Variants in RNF19B observed in about 807,000 individuals in gnomAD.
The protein encoded by RNF19B is E3 ubiquitin-protein ligase RNF19B.
A neutral mutation model predicts 65.5 loss-of-function variants in RNF19B; 23 were observed. That is an observed-to-expected ratio of 0.35 (90% CI 0.25 to 0.50). The LOEUF is 0.50. RNF19B is among the 20% of genes least tolerant of loss of function. The probability of loss-of-function intolerance (pLI) is 0.98; values close to 1 mark genes in which losing one functional copy is unlikely to be tolerated. For missense variants in RNF19B, 794 were observed against 980.0 expected (o/e 0.81, Z 2.53); for synonymous variants, 372 against 379.6 (o/e 0.98, Z 0.23).
intron 1 of RNF19B, among the ~76,000 whole-genome samples, chr1:32,961,244 A>C (rs1398930161): frequency 6.6e-6 from 1 of 152,216 alleles, no homozygotes; most frequent in African/African-American, 2.4e-5. Flanking sequence ...ATCAGAAAGG[A>C]AACTAGACTC....
rs78070560 is a variant in RNF19B at position 32,954,818 on chromosome 1, T to C, written c.636-5044A>G. Reference sequence around the variant, plus strand: ...TATAGGTACTTGTCACATTCAAACGTAGCTAAACACGTTCTAAAACTGCAT... The same window carrying C: ...TATAGGTACTTGTCACATTCAAACGCAGCTAAACACGTTCTAAAACTGCAT... On this transcript the variant is annotated intron_variant, in intron 1 of 8. Coordinates refer to ENST00000235150, the MANE Select transcript of RNF19B (RefSeq NM_001300826.2). Among the ~76,000 whole-genome samples the C allele has an allele frequency of 5.0e-3, 766 of 151,958 alleles. 9 individuals are homozygous for C. Among genetic ancestry groups the C allele is most frequent in the African/African-American group, 0.017 (685 of 41,466 alleles).
In RNF19B at chr1:32,958,206, T is replaced by C. The variant is rs903038651; in HGVS notation, c.635+5845A>G. 1.6e-4 allele frequency among the ~76,000 whole-genome samples: 24 copies of C among 152,350 alleles called. 1 individual carries two copies. Among genetic ancestry groups the C allele is most frequent in the Admixed American group, 1.4e-3 (21 of 15,302 alleles). ...AAAACAAAAACCTGTTTCCTGGTGATCTAAATTGGGGAAATTACATTATAT... is the reference window on the plus strand; with the variant it reads ...AAAACAAAAACCTGTTTCCTGGTGACCTAAATTGGGGAAATTACATTATAT... On this transcript the variant is annotated intron_variant, in intron 1 of 8. Coordinates refer to ENST00000235150, the MANE Select transcript of RNF19B (RefSeq NM_001300826.2).
At position 32,964,240 on chromosome 1, in the gene RNF19B, T is replaced by C; in HGVS notation, c.446A>G (p.Tyr149Cys). The stretch of plus-strand genomic sequence containing the variant: ...GCTCTCGCTTATCTCCAGGCGCAGG[T>C]AGTGGCGGAGGCAGTCCCGGCACGA... The part of the protein sequence containing the change: ...HRSCRDCLRH[Y>C]LRLEISESRV... The change falls in exon 1 of 9, where the codon TAC (tyrosine) becomes TGC (cysteine). Residue 149 changes from tyrosine (Y) to cysteine (C), a missense_variant. Coordinates refer to ENST00000235150, the MANE Select transcript of RNF19B (RefSeq NM_001300826.2). The surrounding 1 kb of genome is among the most constrained non-coding windows in gnomAD (Gnocchi z 6.5). 1 of 1,545,362 alleles carries C rather than the reference T, an allele frequency of 6.5e-7. No individual in the cohort carries two copies. The highest frequency in any genetic ancestry group is 8.7e-7 in the Non-Finnish European group (1 of 1,145,276).
chr1:32,948,743 G>A (rs1642424097), intron 2 of RNF19B, among the ~76,000 whole-genome samples: 1 of 152,140 alleles, frequency 6.6e-6, no homozygotes, highest in South Asian at 2.1e-4. Context: ...CCTGGAATTA[G>A]CTTTACATTT....
rs1642861635 is a variant in RNF19B at position 32,964,578 on chromosome 1, G to C, written c.108C>G (p.His36Gln). 1 of 1,434,150 alleles carries C rather than the reference G, an allele frequency of 7.0e-7. No homozygotes were observed. 88.8% of individuals were successfully genotyped at this position (1,434,150 alleles called of 1,614,324 possible). ...SGGRRRRLTL[H>Q]SVFSASARGR... ...CGCGGGCCGAGGCAGAGAAGACGCTGTGCAAGGTGAGGCGCCGGCGCCGGC... is the reference window on the plus strand; with the variant it reads ...CGCGGGCCGAGGCAGAGAAGACGCTCTGCAAGGTGAGGCGCCGGCGCCGGC... Residue 36 changes from histidine (H) to glutamine (Q), a missense_variant, in exon 1 of 9, where the codon CAC (histidine) becomes CAG (glutamine). His to Gln is a conservative substitution (Grantham distance 24). Transcript: ENST00000235150. The surrounding 1 kb of genome is among the most constrained non-coding windows in gnomAD (Gnocchi z 6.5).
In RNF19B at chr1:32,964,462, G is replaced by A; in HGVS notation, c.224C>T (p.Pro75Leu). Residue 75 changes from proline to leucine, a missense_variant, in exon 1 of 9, where the codon CCG becomes CTG. Physicochemically the swap from Pro to Leu is moderately conservative, Grantham distance 98. Coordinates refer to ENST00000235150, the MANE Select transcript of RNF19B (RefSeq NM_001300826.2). The surrounding 1 kb of genome is among the most constrained non-coding windows in gnomAD (Gnocchi z 6.5). ...CTCGGCGGGCAGCGCCTCGGGCGGCGGGCCCTGGGCCGCGGCAGGGGCCGG... is the reference window on the plus strand; with the variant it reads ...CTCGGCGGGCAGCGCCTCGGGCGGCAGGCCCTGGGCCGCGGCAGGGGCCGG... ...PAPAPAAAQG[P>L]PPEALPAEPA... 6.2e-6 allele frequency: 6 copies of A among 965,156 alleles called. No homozygotes were observed. The highest frequency in any genetic ancestry group is 7.4e-6 in the Non-Finnish European group (6 of 814,426). 59.8% of individuals were successfully genotyped at this position (965,156 alleles called of 1,614,324 possible).
chr1:32,936,674 G>C lies in RNF19B; in HGVS notation c.*132C>G, dbSNP rs1172800662. The C allele has an allele frequency of 1.1e-6, 1 of 929,570 alleles. No individual in the cohort carries two copies. Among genetic ancestry groups the C allele is most frequent in the East Asian group, 2.9e-5 (1 of 33,974 alleles). 57.6% of individuals were successfully genotyped at this position (929,570 alleles called of 1,614,324 possible). ...ATTGTGAATTTCTCAGAATTTCCCT[G>C]GGCAAAAACCTGTGACCAGAGAATC... On this transcript the variant is annotated 3_prime_UTR_variant, in exon 9 of 9. Coordinates refer to ENST00000235150, the MANE Select transcript of RNF19B (RefSeq NM_001300826.2).
intron 3 of RNF19B, among the ~76,000 whole-genome samples, chr1:32,947,007 G>A (rs1464443307): frequency 1.3e-5 from 2 of 152,180 alleles, no homozygotes; most frequent in South Asian, 2.1e-4. Context: ...AACCATGTTC[G>A]TGGGAGAGGA....
rs571993702 is a variant in RNF19B, at chr1:32,958,590, CCTGTAGTCCCAGCTACTCAGGAGG to C, written c.635+5437_635+5460del. Reference sequence around the variant, plus strand: ...AATTAGCCAGGCATGGTTGCAGGTGCCTGTAGTCCCAGCTACTCAGGAGGCTGAGGCAGGAGAATAGCATGAACC... The same window carrying C: ...AATTAGCCAGGCATGGTTGCAGGTGCCTGAGGCAGGAGAATAGCATGAACC... On this transcript the variant is annotated intron_variant, in intron 1 of 8. Transcript: ENST00000235150. 9.2e-5 allele frequency among the ~76,000 whole-genome samples: 14 copies of C among 152,182 alleles called. No homozygotes were observed. The East Asian group carries it at 2.7e-3, about 29-fold the overall frequency.
Position 32,944,142 on chromosome 1 carries a change from T to G in RNF19B, c.1279A>C (p.Met427Leu). ...ACAACCCCATAAACATATGCCAGCATAATGGGGACACCAATACCTGGGGGA... is the reference window on the plus strand; with the variant it reads ...ACAACCCCATAAACATATGCCAGCAGAATGGGGACACCAATACCTGGGGGA... ...AVSVGIGVPI[M>L]LAYVYGVVPI... The change falls in exon 6 of 9, where the codon ATG becomes CTG. Residue 427 changes from methionine to leucine, a missense_variant. Met to Leu is a conservative substitution (Grantham distance 15). Coordinates refer to ENST00000235150, the MANE Select transcript of RNF19B (RefSeq NM_001300826.2). 6.2e-7 allele frequency: 1 copy of G among 1,612,914 alleles called. No individual in the cohort carries two copies. Among genetic ancestry groups the G allele is most frequent in the Non-Finnish European group, 8.5e-7 (1 of 1,179,482 alleles).
intron 7 of RNF19B, among the ~76,000 whole-genome samples, chr1:32,939,013 T>C (rs1219115424): frequency 6.6e-6 from 1 of 152,202 alleles, no homozygotes; most frequent in African/African-American, 2.4e-5. Context: ...TAAATACCTA[T>C]ACATTTTATA....
chr1:32,952,425 C>A, intron 1 of RNF19B, among the ~76,000 whole-genome samples: 1 of 98,808 alleles, frequency 1.0e-5, no homozygotes, highest in South Asian at 3.7e-4. Context: ...AAGACCTTTT[C>A]TCTTAAAAAA....
In RNF19B at chr1:32,942,239, T is replaced by C. The variant is rs1185765061; in HGVS notation, c.1610+13A>G. 2 of 1,590,714 alleles carry C rather than the reference T, an allele frequency of 1.3e-6. No homozygotes were observed. The highest frequency in any genetic ancestry group is 1.7e-6 in the Non-Finnish European group (2 of 1,161,062). On this transcript the variant is annotated intron_variant, in intron 7 of 8. Coordinates refer to ENST00000235150, the MANE Select transcript of RNF19B (RefSeq NM_001300826.2). The stretch of plus-strand genomic sequence containing the variant: ...TTCTAACCATTTCTGTCAGAAATTA[T>C]CTATTTGTTTACCTGCTATATTTTC...
intron 1 of RNF19B, among the ~76,000 whole-genome samples, chr1:32,958,919 T>C (rs894640001): frequency 8.6e-5 from 13 of 152,000 alleles, no homozygotes; most frequent in Admixed American, 7.2e-4. Context: ...GGGATGGAGG[T>C]TGGTGTACGT....
chr1:32,929,890 T>C, the RNF19B span, among the ~76,000 whole-genome samples: 23 of 152,200 alleles, frequency 1.5e-4, no homozygotes, highest in Non-Finnish European at 2.8e-4. Context: ...TCTCTACTGA[T>C]ATCAGGGATT....
Position 32,941,127 on chromosome 1 carries a change from G to A in RNF19B, c.1610+1125C>T, listed in dbSNP as rs1642220041. Among the ~76,000 whole-genome samples the A allele has an allele frequency of 2.0e-5, 3 of 152,124 alleles. No individual in the cohort carries two copies. In the South Asian group the frequency reaches 6.2e-4, roughly 31 times the overall value. On this transcript the variant is annotated intron_variant, in intron 7 of 8. Transcript: ENST00000235150. ...AGTCCTAGCTACTCAGGAGGCTGAG[G>A]TGGTAGGATTGCCTGAGTCCAGGAA...
chr1:32,955,911 G>A (rs1182461246), intron 1 of RNF19B, among the ~76,000 whole-genome samples: 1 of 152,186 alleles, frequency 6.6e-6, no homozygotes, highest in Non-Finnish European at 1.5e-5. Flanking sequence ...CTAAAAGAAA[G>A]GTGTAGAAAA....
intron 5 of RNF19B, among the ~76,000 whole-genome samples, chr1:32,944,363 T>C (rs1642314859): frequency 6.6e-6 from 1 of 152,236 alleles, no homozygotes; most frequent in South Asian, 2.1e-4. Context: ...CTCCATTTAC[T>C]AGCTGTATAA....
the RNF19B span, among the ~76,000 whole-genome samples, chr1:32,930,406 G>T: frequency 6.6e-6 from 1 of 150,706 alleles, no homozygotes; most frequent in Non-Finnish European, 1.5e-5. Context: ...CACCATGCCC[G>T]GCTGATTTTT....
Sources: allele counts gnomAD v4.1 joint callset (sites outside exome capture counted in the v4.1 genomes callset), GRCh38; gene constraint gnomAD v4.1.1; non-coding constraint Gnocchi (gnomAD v3.1); transcripts MANE v1.5; gene names NCBI Gene and HGNC (gene_info 2026-07-23, HGNC 2026-07-21).